Variants in GABBR2 observed in about 807,000 individuals in gnomAD.
GABBR2 encodes the protein gamma-aminobutyric acid type B receptor subunit 2, also known as G-protein coupled receptor 51.
GABBR2 carries 23 observed loss-of-function variants against 105.6 expected under a neutral mutation model. That is an observed-to-expected ratio of 0.22 (90% confidence interval 0.16 to 0.31). The LOEUF (loss-of-function observed/expected upper bound fraction) is 0.31, where lower values mean the gene tolerates loss of function less well. Ranked by LOEUF, GABBR2 falls within the 10% of genes least tolerant of loss-of-function variation. The pLI is 1.00. For missense variants in GABBR2, 734 were observed against 1,245.5 expected, an observed-to-expected ratio of 0.59 and a Z score of 6.18; for synonymous variants, 478 against 499.7, an observed-to-expected ratio of 0.96 and a Z score of 0.58.
chr9:98,374,564 T>C (rs1216650476), intron 11 of GABBR2, among the ~76,000 whole-genome samples: 1 of 152,234 alleles, frequency 6.6e-6, no homozygotes, highest in Non-Finnish European at 1.5e-5. Flanking sequence ...CTGCCTTCCT[T>C]CTGGGAGTCT....
intron 7 of GABBR2, among the ~76,000 whole-genome samples, chr9:98,407,666 A>G (rs1363168100): frequency 1.3e-5 from 2 of 152,162 alleles, no homozygotes; most frequent in African/African-American, 4.8e-5. Flanking sequence ...GATCTAATTT[A>G]CCAATCTTCT....
chr9:98,409,192 G>A (rs1395315598), intron 7 of GABBR2, among the ~76,000 whole-genome samples: 1 of 152,202 alleles, frequency 6.6e-6, no homozygotes, highest in East Asian at 1.9e-4. Flanking sequence ...CAGGGGCCAG[G>A]TCACATTGCC....
intron 1 of GABBR2, among the ~76,000 whole-genome samples, chr9:98,702,982 A>C (rs1830849939): frequency 6.6e-6 from 1 of 152,104 alleles, no homozygotes; most frequent in African/African-American, 2.4e-5. Flanking sequence ...TCCCTCTCTC[A>C]TCATGAAAGG....
chr9:98,481,449 C>T (rs1055389950), intron 4 of GABBR2, among the ~76,000 whole-genome samples: 13 of 152,306 alleles, frequency 8.5e-5, no homozygotes, highest in Non-Finnish European at 1.3e-4. Flanking sequence ...AGAGACAAGA[C>T]CCCAGCCAAC....
At chr9:98,475,584 C>A in intron 5 of GABBR2, among the ~76,000 whole-genome samples, 1 of 152,166 alleles carries the variant, frequency 6.6e-6, no homozygotes. Context: ...ATGAGGTATG[C>A]ACTATTATCT....
intron 3 of GABBR2, among the ~76,000 whole-genome samples, chr9:98,513,517 G>A (rs1250177304): frequency 6.6e-6 from 1 of 151,666 alleles, no homozygotes; most frequent in Admixed American, 6.6e-5. Context: ...TCTGACAAAG[G>A]GTTAATATCC....
intron 13 of GABBR2, among the ~76,000 whole-genome samples, chr9:98,351,188 C>G (rs1255562750): frequency 6.6e-6 from 1 of 151,746 alleles, no homozygotes; most frequent in Non-Finnish European, 1.5e-5. Flanking sequence ...AAAATCCATT[C>G]ATCCAGTCTA....
chr9:98,334,143 A>G (rs1268079686), intron 13 of GABBR2, among the ~76,000 whole-genome samples: 1 of 152,262 alleles, frequency 6.6e-6, no homozygotes, highest in East Asian at 1.9e-4. Flanking sequence ...CGGGACTGGA[A>G]GGTGAAGCTC....
chr9:98,387,164 A>T (rs985843735), intron 10 of GABBR2, among the ~76,000 whole-genome samples: 1 of 152,140 alleles, frequency 6.6e-6, no homozygotes. Flanking sequence ...AGGGGGAGGG[A>T]TTGGGAACCA....
chr9:98,430,676 TC>T (rs2131572225), intron 7 of GABBR2, among the ~76,000 whole-genome samples: 1 of 152,240 alleles, frequency 6.6e-6, no homozygotes, highest in East Asian at 1.9e-4. Flanking sequence ...GTTCTCCCTC[TC>T]CATGCAGCTC....
intron 1 of GABBR2, chr9:98,707,179 G>A (rs1347397319): frequency 2.0e-5 from 3 of 152,238 alleles, no homozygotes; most frequent in African/African-American, 4.8e-5. Flanking sequence ...GACCAAGGAG[G>A]AGGGGAAGCC....
intron 13 of GABBR2, among the ~76,000 whole-genome samples, chr9:98,326,264 C>G (rs1830922451): frequency 6.6e-6 from 1 of 152,230 alleles, no homozygotes; most frequent in Admixed American, 6.5e-5. Flanking sequence ...GAGCATATAA[C>G]TGCCTCTAAC....
chr9:98,526,087 T>G (rs1827950723), intron 3 of GABBR2, among the ~76,000 whole-genome samples: 1 of 152,226 alleles, frequency 6.6e-6, no homozygotes, highest in Non-Finnish European at 1.5e-5. Context: ...TTGTTGCACA[T>G]TATTGTGTAT....
chr9:98,491,108 C>T (rs1386162758), intron 4 of GABBR2, among the ~76,000 whole-genome samples: 1 of 151,526 alleles, frequency 6.6e-6, no homozygotes, highest in Non-Finnish European at 1.5e-5. Flanking sequence ...GCTTTTCTTT[C>T]TTTATTTCAG....
At chr9:98,663,467 T>C (rs1293390390) in intron 1 of GABBR2, among the ~76,000 whole-genome samples, 1 of 151,962 alleles carries the variant, frequency 6.6e-6, no homozygotes, top group African/African-American at 2.4e-5. Context: ...GGTGCAACTG[T>C]CATAATTAGC....
intron 5 of GABBR2, among the ~76,000 whole-genome samples, chr9:98,479,351 C>T (rs1455363199): frequency 1.3e-5 from 2 of 152,202 alleles, no homozygotes; most frequent in East Asian, 1.9e-4. Context: ...TCTTATCAGA[C>T]AGGTGTTACA....
intron 5 of GABBR2, among the ~76,000 whole-genome samples, chr9:98,477,690 T>TAAAAA (rs1459637634): frequency 6.6e-6 from 1 of 151,740 alleles, no homozygotes; most frequent in Admixed American, 6.6e-5. Context: ...TGACACAATT[T>TAAAAA]AAAAAAAAAT....
At chr9:98,602,211 C>T (rs62561779) in intron 1 of GABBR2, among the ~76,000 whole-genome samples, 50,895 of 150,136 alleles carry the variant, frequency 0.34, 9,088 homozygotes, top group African/African-American at 0.47. Context: ...CGGTGGCTCA[C>T]GCTTGTAATC....
chr9:98,601,723 T>A (rs1829339756), intron 1 of GABBR2, among the ~76,000 whole-genome samples: 1 of 152,132 alleles, frequency 6.6e-6, no homozygotes. Context: ...GGCACCATGG[T>A]CTCTTGAAGC....
Sources: gnomAD v4.1 joint callset for allele counts (sites outside exome capture counted in the v4.1 genomes callset) on GRCh38, gnomAD v4.1.1 for gene constraint, MANE v1.5 for transcripts, NCBI Gene and HGNC (gene_info 2026-07-23, HGNC 2026-07-21) for gene names.